The following TUBGCP5 variants were observed in gnomAD, a reference collection of about 807,000 sequenced individuals.
The protein encoded by TUBGCP5 is gamma-tubulin complex component 5.
TUBGCP5 carries 98 observed loss-of-function variants against 134.7 expected under a neutral mutation model. The ratio of observed to expected loss-of-function variants is 0.73; its 90% confidence interval spans 0.62 to 0.86. The LOEUF (loss-of-function observed/expected upper bound fraction) is 0.86. TUBGCP5 is among the 40% of genes least tolerant of loss of function. TUBGCP5 has a pLI of 0.00. For missense variants in TUBGCP5, 1,150 were observed against 1,244.8 expected (o/e 0.92, Z 1.15); for synonymous variants, 456 against 431.4 (o/e 1.06, Z -0.71).
chr15:22,997,421 C>T (rs2064140902), downstream of TUBGCP5, among the ~76,000 whole-genome samples: 1 of 151,510 alleles, frequency 6.6e-6, no homozygotes, highest in South Asian at 2.1e-4. Context: ...CTCAGGTGAT[C>T]CACCCACCTT....
chr15:23,009,646 T>TA (rs1315852864), intron 15 of TUBGCP5, among the ~76,000 whole-genome samples: 3 of 152,188 alleles, frequency 2.0e-5, no homozygotes, highest in African/African-American at 7.2e-5. Context: ...ATGCATAGTT[T>TA]AAAAAACTAG....
At chr15:23,012,206 G>A (rs1238098018) in intron 13 of TUBGCP5, among the ~76,000 whole-genome samples, 1 of 151,578 alleles carries the variant, frequency 6.6e-6, no homozygotes, top group Non-Finnish European at 1.5e-5. Context: ...CCTGATAGGA[G>A]TCGCAGTCTC....
In TUBGCP5 at chr15:23,018,044, A is replaced by G. The variant is rs2065440872; in HGVS notation, c.1488-3T>C. 1.3e-6 allele frequency: 2 copies of G among 1,598,890 alleles called. No homozygotes were observed. The highest frequency in any genetic ancestry group is 1.7e-6 in the Non-Finnish European group (2 of 1,172,144). ...GATTAACTGGAACATTTTTGTTTCT[A>G]AAGAGATTCAAAAGAATTTTAAACT... On this transcript the variant is annotated splice_polypyrimidine_tract_variant and splice_region_variant and intron_variant, in intron 12 of 22. Coordinates refer to ENST00000615383, the MANE Select transcript of TUBGCP5 (RefSeq NM_052903.6).
At chr15:23,025,308 T>A (rs2065922648) in intron 8 of TUBGCP5, among the ~76,000 whole-genome samples, 1 of 152,224 alleles carries the variant, frequency 6.6e-6, no homozygotes, top group Admixed American at 6.5e-5. Flanking sequence ...CTCAAGATAT[T>A]TCAACATCAT....
chr15:23,022,057 G>A lies in TUBGCP5; in HGVS notation c.1273C>T (p.Pro425Ser), dbSNP rs750142267. 5.0e-6 allele frequency: 8 copies of A among 1,614,148 alleles called. No individual in the cohort carries two copies. The East Asian group carries it at 1.8e-4, about 36-fold the overall frequency. Residue 425 changes from proline (P) to serine (S), a missense_variant, in exon 11 of 23, where the codon CCT becomes TCT. This residue lies in a region of TUBGCP5 where 697 missense variants were observed against 850.1 expected (regional missense o/e 0.82). Transcript: ENST00000615383. ...VFSTGVAEVPPDTRNVVRASH... is the reference protein window; with the variant it reads ...VFSTGVAEVPSDTRNVVRASH... Reference sequence around the variant, plus strand: ...GCCCGGACGACATTTCGAGTATCAGGTGGAACTTCTGCTACTCCAGTACTA... The same window carrying A: ...GCCCGGACGACATTTCGAGTATCAGATGGAACTTCTGCTACTCCAGTACTA...
downstream of TUBGCP5, among the ~76,000 whole-genome samples, chr15:22,994,666 AT>A (rs1204936249): frequency 1.6e-4 from 24 of 152,230 alleles, no homozygotes; most frequent in Admixed American, 1.6e-3. Context: ...CACTATAAAC[AT>A]TTGTGTACAG....
Position 22,999,674 on chromosome 15 carries a change from T to G in TUBGCP5, c.*146A>C. 1 of 846,880 alleles carries G rather than the reference T, an allele frequency of 1.2e-6. No individual in the cohort carries two copies. The highest frequency in any genetic ancestry group is 2.2e-5 in the Admixed American group (1 of 46,382). 52.5% of individuals were successfully genotyped at this position (846,880 alleles called of 1,614,324 possible). Reference sequence around the variant, plus strand: ...TCTTGGCCTCCCATCGTGCTGGGATTAGAGGCATGAGCGACTGTGCCAGGC... The same window carrying G: ...TCTTGGCCTCCCATCGTGCTGGGATGAGAGGCATGAGCGACTGTGCCAGGC... On this transcript the variant is annotated 3_prime_UTR_variant, in exon 23 of 23. Coordinates refer to ENST00000615383, the MANE Select transcript of TUBGCP5 (RefSeq NM_052903.6).
At chr15:23,036,003 T>A (rs1177326610) in intron 3 of TUBGCP5, among the ~76,000 whole-genome samples, 1 of 152,158 alleles carries the variant, frequency 6.6e-6, no homozygotes. Flanking sequence ...CTGAGTTTAA[T>A]ATTAAAACGT....
intron 15 of TUBGCP5, 78 bp downstream of exon 15, chr15:23,009,867 T>C (rs1022756917): frequency 7.4e-7 from 1 of 1,349,430 alleles, no homozygotes; most frequent in East Asian, 2.3e-5. Context: ...AAAATTGAAA[T>C]AGGTTTTAAA....
At chr15:22,999,981 G>A in intron 22 of TUBGCP5, 115 bp from the exon 23 acceptor site, 1 of 931,692 alleles carries the variant, frequency 1.1e-6, no homozygotes. Flanking sequence ...TACAATCTCA[G>A]CTCACTGCAA....
At position 22,993,525 on chromosome 15, in the gene TUBGCP5, G is replaced by GTTTTTTTTTTTTTTTTTTTTTT. The variant is rs71414252; in HGVS notation, c.*61+3298_*61+3319dup. On this transcript the variant is annotated intron_variant and NMD_transcript_variant, in intron 23 of 23. Transcript: ENST00000614508. ...TAATCCTCCCACCTCAGCCCCCGAA[G>GTTTTTTTTTTTTTTTTTTTTTT]TTTTTTTTTTTTTTTTTTTTTTTTT... Among the ~76,000 whole-genome samples, 6 of 69,288 alleles carry GTTTTTTTTTTTTTTTTTTTTTT rather than the reference G, an allele frequency of 8.7e-5. 1 individual carries two copies. The highest frequency in any genetic ancestry group is 3.0e-4 in the African/African-American group (5 of 16,736). The allele number at this position is 69,288 out of a possible 152,430, so 45.5% of individuals were successfully genotyped here.
chr15:23,006,353 CTAAA>C lies in TUBGCP5; in HGVS notation c.2328-5_2328-2del, dbSNP rs2064715111. On this transcript the variant is annotated splice_acceptor_variant and splice_polypyrimidine_tract_variant and intron_variant, in intron 16 of 22. Coordinates refer to ENST00000615383, the MANE Select transcript of TUBGCP5 (RefSeq NM_052903.6). LOFTEE classifies it high-confidence loss of function. ...AACATTTTCAAAAGATATAGATAGA[CTAAA>C]GAAAGAAATTCCAGTTTTAGTTTGT... 6.3e-7 allele frequency: 1 copy of C among 1,590,528 alleles called. No individual in the cohort carries two copies. Among genetic ancestry groups the C allele is most frequent in the Middle Eastern group, 1.7e-4 (1 of 6,004 alleles).
intron 23 of TUBGCP5, among the ~76,000 whole-genome samples, chr15:22,989,949 G>C (rs562125032): frequency 2.0e-5 from 3 of 152,108 alleles, no homozygotes; most frequent in African/African-American, 4.8e-5. Flanking sequence ...CCAACCACAC[G>C]TCTCCCTGGT....
intron 23 of TUBGCP5, among the ~76,000 whole-genome samples, chr15:22,990,355 G>T (rs1055749320): frequency 7.9e-5 from 12 of 152,114 alleles, no homozygotes; most frequent in Non-Finnish European, 1.8e-4. Flanking sequence ...CTACGGCTTT[G>T]TCTCAGGTTG....
intron 18 of TUBGCP5, 90 bp downstream of exon 18, chr15:23,005,962 T>A: frequency 2.3e-6 from 3 of 1,316,668 alleles, no homozygotes; most frequent in South Asian, 1.6e-5. Flanking sequence ...TTTTTCCAGA[T>A]CCCCGTATGC....
chr15:23,002,536 G>A (rs951181729), intron 21 of TUBGCP5, among the ~76,000 whole-genome samples: 21 of 152,172 alleles, frequency 1.4e-4, no homozygotes, highest in Admixed American at 1.3e-3. Context: ...TGTGATGTGT[G>A]TGAATAACAA....
chr15:23,039,379 C>G lies in TUBGCP5; in HGVS notation c.146+19G>C. On this transcript the variant is annotated intron_variant, in intron 1 of 22. Coordinates refer to ENST00000615383, the MANE Select transcript of TUBGCP5 (RefSeq NM_052903.6). ...TCCGGGCTGTGGCCGGGAACCCGCC[C>G]GCGCGCCGTGCCCCACACCTGAAGT... 7.1e-7 allele frequency: 1 copy of G among 1,416,060 alleles called. No individual in the cohort carries two copies. The highest frequency in any genetic ancestry group is 2.6e-5 in the Admixed American group (1 of 38,428). The allele number at this position is 1,416,060 out of a possible 1,614,324, so 87.7% of individuals were successfully genotyped here.
chr15:22,988,582 A>G (rs1188823651), intron 23 of TUBGCP5, among the ~76,000 whole-genome samples: 1 of 151,210 alleles, frequency 6.6e-6, no homozygotes, highest in African/African-American at 2.4e-5. Context: ...AAAATACAAA[A>G]AAAATTAGCC....
At chr15:23,009,357 C>T (rs2064903893) in intron 15 of TUBGCP5, among the ~76,000 whole-genome samples, 1 of 151,830 alleles carries the variant, frequency 6.6e-6, no homozygotes, top group African/African-American at 2.4e-5. Context: ...CAAGCTCTGC[C>T]TCCTGGGTTC....
Sources: gnomAD v4.1 joint callset for allele counts (sites outside exome capture counted in the v4.1 genomes callset) on GRCh38, gnomAD v4.1.1 for gene constraint, gnomAD v4.1.1 regional missense constraint, MANE v1.5 for transcripts, NCBI Gene and HGNC (gene_info 2026-07-23, HGNC 2026-07-21) for gene names.